CCNA1: variants seen among roughly 807,000 people sequenced by gnomAD.
CCNA1 encodes cyclin A1, also known as cyclin-A1.
A neutral mutation model predicts 54.1 loss-of-function variants in CCNA1; 23 were observed. The ratio of observed to expected loss-of-function variants is 0.42; its 90% CI spans 0.31 to 0.60. CCNA1 has a LOEUF of 0.60. Ranked by LOEUF, CCNA1 falls within the 20% of genes least tolerant of loss-of-function variation. The pLI is 0.14. For synonymous variants in CCNA1, 208 were observed against 213.9 expected, an observed-to-expected ratio of 0.97 and a Z score of 0.24; for missense variants, 450 against 556.7, an observed-to-expected ratio of 0.81 and a Z score of 1.93.
intron 2 of CCNA1, 74 bp downstream of exon 2, chr13:36,433,295 C>T: frequency 8.0e-7 from 1 of 1,245,852 alleles, no homozygotes; most frequent in East Asian, 2.5e-5. Context: ...GTGCTTTTCT[C>T]TTGCCCTTGT....
chr13:36,438,630 C>T lies in CCNA1; in HGVS notation c.670-14C>T. ...AATTGCAACTACTAAATATCAAAAC[C>T]TTTTCCCAATCAGATAAGGCACAGA... On this transcript the variant is annotated splice_polypyrimidine_tract_variant and intron_variant, in intron 4 of 8. Transcript: ENST00000255465. 6.2e-7 allele frequency: 1 copy of T among 1,600,658 alleles called. No homozygotes were observed. Among genetic ancestry groups the T allele is most frequent in the South Asian group, 1.1e-5 (1 of 90,538 alleles).
In CCNA1 at chr13:36,433,302, T is replaced by C. The variant is rs375656553; in HGVS notation, c.297+81T>C. 140 of 1,073,076 alleles carry C rather than the reference T, an allele frequency of 1.3e-4. No individual in the cohort carries two copies. In the African/African-American group the frequency reaches 1.8e-3, roughly 14 times the overall value. The allele number at this position is 1,073,076 out of a possible 1,614,324, so 66.5% of individuals were successfully genotyped here. ...GGTGCCAGGTGCTTTTCTCTTGCCC[T>C]TGTACCTACAACTCCCCCTGAGTAT... is the stretch of plus-strand genomic sequence containing the variant. On this transcript the variant is annotated intron_variant, in intron 2 of 8. Coordinates refer to ENST00000255465, the MANE Select transcript of CCNA1 (RefSeq NM_003914.4).
rs1448470768 is a variant in CCNA1 at position 36,440,070 on chromosome 13, C to T, written c.985C>T (p.His329Tyr). 1.9e-6 allele frequency: 3 copies of T among 1,613,802 alleles called. No homozygotes were observed. Among genetic ancestry groups the T allele is most frequent in the Middle Eastern group, 1.6e-4 (1 of 6,062 alleles). ...AAAACGACAACTGTTAAAAATGGAA[C>T]ACTTGCTTCTGAAAGTTCTAGCTTT... The change falls in exon 6 of 9, where the codon CAC becomes TAC. Residue 329 changes from histidine to tyrosine, a missense_variant. By Grantham distance (83) the His-to-Tyr change is moderately conservative (BLOSUM62 2). Transcript: ENST00000255465.
intron 2 of CCNA1, among the ~76,000 whole-genome samples, chr13:36,436,606 T>C (rs919418110): frequency 1.3e-5 from 2 of 152,222 alleles, no homozygotes; most frequent in Admixed American, 1.3e-4. Context: ...GCTGTGGTTG[T>C]AGCAAGAGTC....
Position 36,433,233 on chromosome 13 carries a change from G to C in CCNA1, c.297+12G>C, listed in dbSNP as rs56080404. 27,304 of 1,601,546 alleles carry C rather than the reference G, an allele frequency of 0.017. 305 individuals carry two copies. Among genetic ancestry groups the C allele is most frequent in the Non-Finnish European group, 0.019 (22,749 of 1,173,152 alleles). ...GGACCTGTGGCCAGGTAATGACTCA[G>C]ACGCATTGAGAATGATGCTTGTGGA... is the stretch of plus-strand genomic sequence containing the variant. On this transcript the variant is annotated intron_variant, in intron 2 of 8. Coordinates refer to ENST00000255465, the MANE Select transcript of CCNA1 (RefSeq NM_003914.4).
upstream of CCNA1, chr13:36,432,252 C>A (rs1328811541): frequency 7.5e-5 from 16 of 213,078 alleles, no homozygotes; most frequent in East Asian, 1.9e-3. Flanking sequence ...GGTCCGGGGG[C>A]GCCGCTGATT....
upstream of CCNA1, chr13:36,431,755 CG>C (rs1443148730): frequency 6.6e-6 from 1 of 152,462 alleles, no homozygotes; most frequent in African/African-American, 2.4e-5. Flanking sequence ...GCGTCCCAGC[CG>C]CCTCCCGGCA....
intron 7 of CCNA1, 87 bp from the exon 8 acceptor site, chr13:36,442,084 G>A (rs1438921417): frequency 8.8e-6 from 9 of 1,021,656 alleles, no homozygotes; most frequent in South Asian, 1.6e-5. Context: ...TTTACTAAGG[G>A]ACTAATTCCC....
chr13:36,439,311 A>T (rs1481706239), intron 5 of CCNA1, among the ~76,000 whole-genome samples: 1 of 152,170 alleles, frequency 6.6e-6, no homozygotes, highest in Non-Finnish European at 1.5e-5. Context: ...TCATTCATGA[A>T]AGTACCTAAT....
chr13:36,431,572 G>C (rs2055707390), upstream of CCNA1: 1 of 152,200 alleles, frequency 6.6e-6, no homozygotes, highest in African/African-American at 2.4e-5. Context: ...GAGCCCGCGG[G>C]GGAAGACCTC....
intron 8 of CCNA1, 99 bp downstream of exon 8, chr13:36,442,403 G>A: frequency 1.5e-6 from 2 of 1,365,716 alleles, no homozygotes; most frequent in East Asian, 2.3e-5. Flanking sequence ...TGTGTATCTG[G>A]TGCCAGGTTG....
rs1464834183 is a variant in CCNA1, at chr13:36,433,178, G to A, written c.254G>A (p.Gly85Glu). 2.5e-6 allele frequency: 4 copies of A among 1,614,072 alleles called. No individual in the cohort carries two copies. In the African/African-American group the frequency reaches 5.3e-5, roughly 22 times the overall value. The change falls in exon 2 of 9, where the codon GGG (glycine) becomes GAG (glutamate). Residue 85 changes from glycine to glutamate, a missense_variant. By Grantham distance (98) the Gly-to-Glu change is moderately conservative. Transcript: ENST00000255465. Reference sequence around the variant, plus strand: ...GATCCCCCGCAGAGGACAGTGCTAGGGCTGCTAACTGCAAATGGGCAGTAC... The same window carrying A: ...GATCCCCCGCAGAGGACAGTGCTAGAGCTGCTAACTGCAAATGGGCAGTAC...
At chr13:36,437,531 A>G (rs192740406) in intron 2 of CCNA1, 98 bp from the exon 3 acceptor site, 30 of 1,199,536 alleles carry the variant, frequency 2.5e-5, no homozygotes, top group Non-Finnish European at 3.3e-5. Context: ...TTTAGAATGT[A>G]TCTTACCTTC....
At position 36,437,458 on chromosome 13, in the gene CCNA1, GA is replaced by G. The variant is rs560515701; in HGVS notation, c.298-166del. ...TCAAATGTAGACAAAGATAAGGGGGGAAAAATTACACTTTTGAAGACCTTTT... is the reference window on the plus strand; with the variant it reads ...TCAAATGTAGACAAAGATAAGGGGGGAAAATTACACTTTTGAAGACCTTTT... On this transcript the variant is annotated intron_variant, in intron 2 of 8. Transcript: ENST00000255465. Among the ~76,000 whole-genome samples the G allele has an allele frequency of 1.6e-3, 238 of 152,080 alleles. 1 individual carries two copies. The highest frequency in any genetic ancestry group is 5.5e-3 in the African/African-American group (230 of 41,520).
chr13:36,440,867 A>G (rs553360626), intron 6 of CCNA1, among the ~76,000 whole-genome samples: 238 of 152,366 alleles, frequency 1.6e-3, no homozygotes, highest in African/African-American at 5.5e-3. Context: ...TTAGCATAAG[A>G]AAAGTAACCT....
intron 2 of CCNA1, 40 bp downstream of exon 2, chr13:36,433,261 A>G (rs1304058656): frequency 6.5e-7 from 1 of 1,531,836 alleles, no homozygotes; most frequent in East Asian, 2.3e-5. Flanking sequence ...CTTGTGGAGA[A>G]CAGCTCTCCT....
chr13:36,440,240 C>T (rs556188576), intron 6 of CCNA1, 57 bp downstream of exon 6: 2 of 1,403,176 alleles, frequency 1.4e-6, no homozygotes, highest in East Asian at 4.6e-5. Context: ...TAAAAATCAA[C>T]CTTTCCCAAT....
chr13:36,437,599 C>T, intron 2 of CCNA1, 30 bp from the exon 3 acceptor site: 1 of 1,608,130 alleles, frequency 6.2e-7, no homozygotes, highest in African/African-American at 1.3e-5. Flanking sequence ...TTTGACGTGG[C>T]CTCTAACAAA....
Position 36,432,676 on chromosome 13 carries a change from G to A in CCNA1, c.55G>A (p.Gly19Arg). 6.2e-7 allele frequency: 1 copy of A among 1,612,708 alleles called. No individual in the cohort carries two copies. The highest frequency in any genetic ancestry group is 8.5e-7 in the Non-Finnish European group (1 of 1,179,508). ...CCCTGGATCTTTTATTGGGGGCTGG[G>A]GAGAAGAGTATCTCAGCTGGGAAGG... The change falls in exon 1 of 9, where the codon GGA becomes AGA. Residue 19 changes from glycine to arginine, a missense_variant. By Grantham distance (125) the Gly-to-Arg change is moderately radical. Transcript: ENST00000255465.
Sources: gnomAD v4.1 joint callset for allele counts (sites outside exome capture counted in the v4.1 genomes callset) on GRCh38, gnomAD v4.1.1 for gene constraint, MANE v1.5 for transcripts, NCBI Gene and HGNC (gene_info 2026-07-23, HGNC 2026-07-21) for gene names.